Variants in FSTL4 observed in about 807,000 individuals in gnomAD.
FSTL4 encodes the protein follistatin like 4, also known as follistatin-related protein 4.
Under a neutral mutation model 78.2 loss-of-function variants are expected in FSTL4, and 28 were observed. The observed-to-expected ratio is 0.36, with a 90% confidence interval of 0.27 to 0.49. FSTL4 has a LOEUF of 0.49. Ranked by LOEUF, FSTL4 falls within the 20% of genes least tolerant of loss-of-function variation. The pLI is 0.98. For missense variants in FSTL4, 922 were observed against 1,084.9 expected (o/e 0.85, Z 2.11); for synonymous variants, 422 against 440.5 (o/e 0.96, Z 0.53).
At chr5:133,237,185 C>G (rs1038663106) in intron 7 of FSTL4, among the ~76,000 whole-genome samples, 2 of 152,174 alleles carry the variant, frequency 1.3e-5, no homozygotes, top group African/African-American at 4.8e-5. Flanking sequence ...TCCCCACTTC[C>G]CCACTTGTCC....
intron 3 of FSTL4, among the ~76,000 whole-genome samples, chr5:133,526,107 C>G (rs894791133): frequency 3.9e-5 from 6 of 152,166 alleles, no homozygotes; most frequent in African/African-American, 1.4e-4. Flanking sequence ...ATACCTAGCA[C>G]TGTGATTTTC....
Position 133,361,291 on chromosome 5 carries a change from G to A in FSTL4, c.409+39447C>T, listed in dbSNP as rs544912908. On this transcript the variant is annotated intron_variant, in intron 4 of 15. Transcript: ENST00000265342. This position sits in a 1 kb window ranked among gnomAD's most constrained non-coding sequence, Gnocchi z 4.3. Reference sequence around the variant, plus strand: ...TGGATGAAAACCATCCTGGGAGTGGGAGACCCTTACCTCTGCCCCTTTGTA... The same window carrying A: ...TGGATGAAAACCATCCTGGGAGTGGAAGACCCTTACCTCTGCCCCTTTGTA... 9.9e-4 allele frequency among the ~76,000 whole-genome samples: 151 copies of A among 152,326 alleles called. 1 individual carries two copies. The Middle Eastern group carries it at 0.01, about 10-fold the overall frequency.
At chr5:133,218,100 A>G (rs111735479) in intron 12 of FSTL4, among the ~76,000 whole-genome samples, 1 of 152,152 alleles carries the variant, frequency 6.6e-6, no homozygotes, top group African/African-American at 2.4e-5. Flanking sequence ...TGGTTGTTCA[A>G]AATCAACTCT....
chr5:133,667,624 C>T, the FSTL4 span, among the ~76,000 whole-genome samples: 8 of 152,244 alleles, frequency 5.3e-5, no homozygotes, highest in African/African-American at 1.7e-4. Context: ...CAGAAGGCTC[C>T]TCTTCGGATA....
chr5:133,630,508 G>T, the FSTL4 span, among the ~76,000 whole-genome samples: 2 of 152,094 alleles, frequency 1.3e-5, no homozygotes, highest in Non-Finnish European at 2.9e-5. Flanking sequence ...GCAAACAAAT[G>T]GAAAAACATT....
chr5:133,730,562 T>A, the FSTL4 span, among the ~76,000 whole-genome samples: 2 of 152,284 alleles, frequency 1.3e-5, no homozygotes, highest in Middle Eastern at 3.4e-3. Flanking sequence ...AGAACTCACA[T>A]CCCAGCTGGC....
At chr5:133,797,817 G>A in the FSTL4 span, among the ~76,000 whole-genome samples, 3 of 152,040 alleles carry the variant, frequency 2.0e-5, no homozygotes, top group South Asian at 2.1e-4. Context: ...CCTGAGCAGC[G>A]CTTTGCTCCC....
At chr5:133,372,329 T>C (rs1207010946) in intron 4 of FSTL4, among the ~76,000 whole-genome samples, 1 of 152,116 alleles carries the variant, frequency 6.6e-6, no homozygotes, top group East Asian at 1.9e-4. Flanking sequence ...GTTTTTAGAC[T>C]GTGTGTGATC....
intron 6 of FSTL4, among the ~76,000 whole-genome samples, chr5:133,310,141 A>G (rs937406823): frequency 6.6e-6 from 1 of 152,182 alleles, no homozygotes; most frequent in African/African-American, 2.4e-5. Context: ...AAGTGGCTGC[A>G]TGTCAAGCCT....
At chr5:133,610,345 AG>A (rs1207757643) in intron 1 of FSTL4, among the ~76,000 whole-genome samples, 21 of 152,362 alleles carry the variant, frequency 1.4e-4, no homozygotes, top group African/African-American at 4.8e-4. Context: ...AAAAAGCACT[AG>A]GACAACTCTA....
chr5:133,688,222 A>G, the FSTL4 span, among the ~76,000 whole-genome samples: 1 of 152,206 alleles, frequency 6.6e-6, no homozygotes, highest in Non-Finnish European at 1.5e-5. Context: ...CAGCCTGGCC[A>G]ATACAGTAAA....
chr5:133,765,913 C>G, the FSTL4 span, among the ~76,000 whole-genome samples: 3 of 152,318 alleles, frequency 2.0e-5, no homozygotes, highest in African/African-American at 7.2e-5. Context: ...GAGAGCCACA[C>G]TGAGACAGCA....
intron 3 of FSTL4, among the ~76,000 whole-genome samples, chr5:133,545,261 T>C (rs948639682): frequency 6.6e-6 from 1 of 152,142 alleles, no homozygotes; most frequent in Non-Finnish European, 1.5e-5. Flanking sequence ...TGTGGCAGTG[T>C]TGGGGGTAGA....
intron 3 of FSTL4, among the ~76,000 whole-genome samples, chr5:133,513,680 G>A (rs1026672266): frequency 6.6e-6 from 1 of 152,150 alleles, no homozygotes; most frequent in Non-Finnish European, 1.5e-5. Context: ...CAGTGACTGG[G>A]AATGGATCAC....
At chr5:133,466,317 C>G (rs376791362) in intron 3 of FSTL4, among the ~76,000 whole-genome samples, 1 of 152,128 alleles carries the variant, frequency 6.6e-6, no homozygotes, top group South Asian at 2.1e-4. Flanking sequence ...CCGAGGCGGG[C>G]AGATCATGGG....
chr5:133,837,500 TC>T, the FSTL4 span, among the ~76,000 whole-genome samples: 3 of 152,228 alleles, frequency 2.0e-5, no homozygotes, highest in African/African-American at 7.2e-5. Context: ...AATGTGAGTT[TC>T]TGGATGATGT....
the FSTL4 span, among the ~76,000 whole-genome samples, chr5:133,727,658 A>G: frequency 6.6e-6 from 1 of 152,240 alleles, no homozygotes; most frequent in African/African-American, 2.4e-5. Context: ...GTCCAGGAAG[A>G]CTGCAAAGCA....
chr5:133,702,530 A>C, the FSTL4 span, among the ~76,000 whole-genome samples: 1 of 152,076 alleles, frequency 6.6e-6, no homozygotes, highest in Non-Finnish European at 1.5e-5. Context: ...GGGGAGCAAG[A>C]GGGGTGAGTG....
chr5:133,548,950 T>C (rs1441005070), intron 3 of FSTL4, among the ~76,000 whole-genome samples: 1 of 152,214 alleles, frequency 6.6e-6, no homozygotes, highest in Non-Finnish European at 1.5e-5. Flanking sequence ...ATTCCAATGC[T>C]TTCTGATTTC....
Sources: gnomAD v4.1 joint callset for allele counts (sites outside exome capture counted in the v4.1 genomes callset) on GRCh38, gnomAD v4.1.1 for gene constraint, Gnocchi (gnomAD v3.1) non-coding constraint, MANE v1.5 for transcripts, NCBI Gene and HGNC (gene_info 2026-07-23, HGNC 2026-07-21) for gene names.